The following SEMA5B variants were observed in gnomAD, a reference collection of about 807,000 sequenced individuals.
SEMA5B encodes semaphorin-5B.
SEMA5B carries 66 observed loss-of-function variants against 135.0 expected under a neutral mutation model. The observed-to-expected ratio is 0.49, with a 90% CI of 0.40 to 0.60. SEMA5B has a LOEUF of 0.60. Ranked by LOEUF, SEMA5B falls within the 20% of genes least tolerant of loss-of-function variation. The pLI is 0.00. For synonymous variants in SEMA5B, 690 were observed against 639.5 expected, an observed-to-expected ratio of 1.08 and a Z score of -1.19; for missense variants, 1,501 against 1,566.3, an observed-to-expected ratio of 0.96 and a Z score of 0.70.
intron 1 of SEMA5B, among the ~76,000 whole-genome samples, chr3:123,023,454 C>T (rs1293256036): frequency 6.6e-6 from 1 of 152,164 alleles, no homozygotes; most frequent in African/African-American, 2.4e-5. Flanking sequence ...AAGTAACACT[C>T]CCTCCAAGCA....
At chr3:122,939,546 G>T in intron 4 of SEMA5B, 76 bp from the exon 5 acceptor site, 1 of 1,166,602 alleles carries the variant, frequency 8.6e-7, no homozygotes, top group Non-Finnish European at 1.3e-6. Flanking sequence ...TCCTGGCTTG[G>T]GCCTCCTGGG....
intron 5 of SEMA5B, among the ~76,000 whole-genome samples, chr3:122,932,507 A>C (rs1462266242): frequency 3.9e-5 from 6 of 152,102 alleles, no homozygotes; most frequent in Non-Finnish European, 7.4e-5. Context: ...TCCCTATCAT[A>C]TCTCGCTGGG....
chr3:122,980,793 C>T (rs191042148), intron 1 of SEMA5B, among the ~76,000 whole-genome samples: 8 of 152,310 alleles, frequency 5.3e-5, no homozygotes, highest in Admixed American at 2.6e-4. Context: ...TGCTGAAACT[C>T]TACCCATTAA....
chr3:122,932,367 C>A (rs1939021906), intron 5 of SEMA5B, among the ~76,000 whole-genome samples: 1 of 149,334 alleles, frequency 6.7e-6, no homozygotes, highest in Non-Finnish European at 1.5e-5. Context: ...CCAAACTGCA[C>A]CATTTTAAGC....
intron 1 of SEMA5B, among the ~76,000 whole-genome samples, chr3:123,011,994 G>A (rs1271924423): frequency 2.6e-5 from 4 of 152,302 alleles, no homozygotes; most frequent in Non-Finnish European, 5.9e-5. Context: ...CCCGGGCTCT[G>A]TCTGGCACTG....
chr3:122,948,549 C>T lies in SEMA5B; in HGVS notation c.285G>A (p.Gln95=), dbSNP rs757681915. The T allele has an allele frequency of 6.2e-7, 1 of 1,611,508 alleles. No homozygotes were observed. The highest frequency in any genetic ancestry group is 1.1e-5 in the South Asian group (1 of 90,864). Reference sequence around the variant, plus strand: ...GGTGCTTGCTAAGGGCGCACAGCTGCTGCTCACTGCTGGGCTCACTGGAGA... The same window carrying T: ...GGTGCTTGCTAAGGGCGCACAGCTGTTGCTCACTGCTGGGCTCACTGGAGA... ...QDVSSEPSSE[Q]QLCALSKHPT... Residue 95 remains glutamine, a synonymous_variant, in exon 3 of 23, where the codon CAG becomes CAA. Transcript: ENST00000357599.
intron 1 of SEMA5B, among the ~76,000 whole-genome samples, chr3:122,986,625 G>GT (rs777511733): frequency 4.2e-5 from 6 of 143,458 alleles, no homozygotes; most frequent in South Asian, 2.3e-4. Flanking sequence ...GTGTGTGTGT[G>GT]GTGTGTAAGT....
chr3:122,928,283 C>T (rs528079831), intron 7 of SEMA5B, among the ~76,000 whole-genome samples: 6 of 152,332 alleles, frequency 3.9e-5, no homozygotes, highest in South Asian at 2.1e-4. Flanking sequence ...GAATTTCAGA[C>T]GAACAGGGAG....
chr3:122,991,659 G>T (rs1302375496), intron 1 of SEMA5B, among the ~76,000 whole-genome samples: 1 of 151,070 alleles, frequency 6.6e-6, no homozygotes, highest in East Asian at 2.0e-4. Flanking sequence ...GAAAATCTCA[G>T]ATGAGTCAGA....
intron 5 of SEMA5B, among the ~76,000 whole-genome samples, chr3:122,937,610 G>T (rs1939355358): frequency 1.3e-5 from 2 of 152,136 alleles, no homozygotes; most frequent in African/African-American, 2.4e-5. Flanking sequence ...TTGTCTGTAG[G>T]GCCCTTCAGG....
At chr3:122,925,782 G>T (rs1021539927) in intron 9 of SEMA5B, among the ~76,000 whole-genome samples, 2 of 151,580 alleles carry the variant, frequency 1.3e-5, no homozygotes, top group African/African-American at 4.9e-5. Flanking sequence ...GCCACATGCA[G>T]CCCAAAGGCT....
chr3:122,979,536 T>C (rs1312217374), intron 1 of SEMA5B, among the ~76,000 whole-genome samples: 1 of 151,914 alleles, frequency 6.6e-6, no homozygotes, highest in African/African-American at 2.4e-5. Flanking sequence ...TTCTCTCTTG[T>C]TGTGATTTCA....
chr3:122,912,293 G>A lies in SEMA5B; in HGVS notation c.2775C>T (p.Ser925=). 4.3e-6 allele frequency: 7 copies of A among 1,611,932 alleles called. No homozygotes were observed. Among genetic ancestry groups the A allele is most frequent in the Non-Finnish European group, 5.9e-6 (7 of 1,178,978 alleles). The change falls in exon 19 of 23, where the codon TCC becomes TCT. Residue 925 remains serine, a synonymous_variant. Transcript: ENST00000357599. ...CWTSWSPCSA[S]CGGGHYQRTR... ...TGCGTTGATAGTGACCCCCACCACA[G>A]GAAGCTGAGCATGGAGACCATGAGG...
intron 9 of SEMA5B, among the ~76,000 whole-genome samples, chr3:122,925,786 A>G (rs1323941598): frequency 6.6e-6 from 1 of 152,090 alleles, no homozygotes; most frequent in African/African-American, 2.4e-5. Flanking sequence ...CATGCAGCCC[A>G]AAGGCTTTGG....
Position 122,990,325 on chromosome 3 carries a change from G to A in SEMA5B, c.-38-29024C>T, listed in dbSNP as rs144285284. Reference sequence around the variant, plus strand: ...AGGGCGATACCTTTTTTCCTACACAGAAGGAAATACTTCCTAAGCAGAAGG... The same window carrying A: ...AGGGCGATACCTTTTTTCCTACACAAAAGGAAATACTTCCTAAGCAGAAGG... On this transcript the variant is annotated intron_variant, in intron 1 of 22. Coordinates refer to ENST00000357599, the MANE Select transcript of SEMA5B (RefSeq NM_001031702.4). Among the ~76,000 whole-genome samples the A allele has an allele frequency of 3.6e-4, 55 of 152,198 alleles. 1 individual carries two copies. The highest frequency in any genetic ancestry group is 6.5e-4 in the Admixed American group (10 of 15,302).
chr3:122,987,320 T>C (rs1941733754), intron 1 of SEMA5B, among the ~76,000 whole-genome samples: 1 of 152,210 alleles, frequency 6.6e-6, no homozygotes, highest in Non-Finnish European at 1.5e-5. Context: ...GTTCTACTTC[T>C]GTTGGTATCT....
chr3:122,915,010 G>A (rs1937990858), intron 14 of SEMA5B, among the ~76,000 whole-genome samples: 1 of 152,180 alleles, frequency 6.6e-6, no homozygotes, highest in Non-Finnish European at 1.5e-5. Context: ...ACTCTTGGGT[G>A]GGTACTATAA....
chr3:122,943,339 C>T (rs892044209), intron 4 of SEMA5B, 97 bp downstream of exon 4: 17 of 803,852 alleles, frequency 2.1e-5, no homozygotes, highest in Middle Eastern at 2.3e-4. Flanking sequence ...GGGCCCAGCA[C>T]GCGGGGCTGC....
intron 1 of SEMA5B, among the ~76,000 whole-genome samples, chr3:123,000,714 G>A (rs1009911594): frequency 1.3e-5 from 2 of 152,160 alleles, no homozygotes; most frequent in Admixed American, 6.5e-5. Flanking sequence ...CGGAACTCCA[G>A]CCTGGGGTGC....
Sources: allele counts gnomAD v4.1 joint callset (sites outside exome capture counted in the v4.1 genomes callset), GRCh38; gene constraint gnomAD v4.1.1; transcripts MANE v1.5; gene names NCBI Gene and HGNC (gene_info 2026-07-23, HGNC 2026-07-21).